ZNF831: variants seen among roughly 807,000 people sequenced by gnomAD.
ZNF831 encodes the protein zinc finger protein 831, also known as chromosome 20 open reading frame 174.
Under a neutral mutation model 95.8 loss-of-function variants are expected in ZNF831, and 59 were observed. The observed-to-expected ratio is 0.62, with a 90% confidence interval of 0.50 to 0.77. The LOEUF (loss-of-function observed/expected upper bound fraction) is 0.77. ZNF831 is among the 30% of genes least tolerant of loss of function. The probability of loss-of-function intolerance (pLI) is 0.00; values close to 1 mark genes in which losing one functional copy is unlikely to be tolerated. For missense variants in ZNF831, 2,205 were observed against 2,164.0 expected, an observed-to-expected ratio of 1.02 and a Z score of -0.38; for synonymous variants, 961 against 925.5, an observed-to-expected ratio of 1.04 and a Z score of -0.70.
In ZNF831 at chr20:59,177,666, T is replaced by G. The variant is rs141230198; in HGVS notation, c.-36-13318T>G. Among the ~76,000 whole-genome samples, 925 of 152,284 alleles carry G rather than the reference T, an allele frequency of 6.1e-3. 22 individuals carry two copies. Among genetic ancestry groups the G allele is most frequent in the Admixed American group, 0.044 (668 of 15,298 alleles). Reference sequence around the variant, plus strand: ...CCCATCTCATTTAAAATTGCACTCTTCCCTCACTGGCTGGACGAGGACGGT... The same window carrying G: ...CCCATCTCATTTAAAATTGCACTCTGCCCTCACTGGCTGGACGAGGACGGT... On this transcript the variant is annotated intron_variant, in intron 1 of 5. Coordinates refer to ENST00000371030, the MANE Select transcript of ZNF831 (RefSeq NM_178457.3).
chr20:59,128,186 G>A (rs953322898), intron 1 of ZNF831, among the ~76,000 whole-genome samples: 1 of 152,200 alleles, frequency 6.6e-6, no homozygotes, highest in Non-Finnish European at 1.5e-5. Flanking sequence ...AAAATAAATA[G>A]GGTAATGCAA....
chr20:59,246,626 A>T, intron 4 of ZNF831, among the ~76,000 whole-genome samples: 1 of 151,998 alleles, frequency 6.6e-6, no homozygotes, highest in East Asian at 1.9e-4. Flanking sequence ...TTAAAGCAAA[A>T]TTTTAAACAC....
At chr20:59,159,977 G>C (rs966606588), upstream of ZNF831, 1 of 152,394 alleles carries the variant, frequency 6.6e-6, no homozygotes, top group Non-Finnish European at 1.5e-5. Context: ...TGTGGACTGA[G>C]GGCTGGCTCT....
rs754300592 is a variant in ZNF831 at position 59,233,059 on chromosome 20, CAGACAG to C, written c.4028-19905_4028-19900del. On this transcript the variant is annotated intron_variant, in intron 4 of 5. Coordinates refer to ENST00000371030, the MANE Select transcript of ZNF831 (RefSeq NM_178457.3). The stretch of plus-strand genomic sequence containing the variant: ...ACACACACACATAGAGAGAGAGAGA[CAGACAG>C]AGACAGAGACAGACAGACAGACTTG... 3.6e-3 allele frequency among the ~76,000 whole-genome samples: 477 copies of C among 133,132 alleles called. 1 individual carries two copies. Among genetic ancestry groups the C allele is most frequent in the Non-Finnish European group, 5.4e-3 (344 of 63,168 alleles). The allele number at this position is 133,132 out of a possible 152,430, so 87.3% of individuals were successfully genotyped here.
At chr20:59,145,757 C>T (rs1979825530) in intron 1 of ZNF831, among the ~76,000 whole-genome samples, 2 of 152,164 alleles carry the variant, frequency 1.3e-5, no homozygotes, top group African/African-American at 4.8e-5. Flanking sequence ...TGGACATTCC[C>T]AAAGCTGGGG....
rs780321920 is a variant in ZNF831 at position 59,194,332 on chromosome 20, G to C, written c.3313G>C (p.Glu1105Gln). Residue 1105 changes from glutamate (E) to glutamine (Q), a missense_variant, in exon 2 of 6, where the codon GAG becomes CAG. Physicochemically the swap from Glu to Gln is conservative, Grantham distance 29. Coordinates refer to ENST00000371030, the MANE Select transcript of ZNF831 (RefSeq NM_178457.3). Reference protein sequence around the residue: ...NPWVPNWELGEPPGNAPEDPS... With the variant: ...NPWVPNWELGQPPGNAPEDPS... ...CTGGGTACCCAACTGGGAGCTGGGG[G>C]AGCCTCCTGGGAATGCCCCAGAAGA... 6.2e-7 allele frequency: 1 copy of C among 1,613,546 alleles called. No homozygotes were observed. Among genetic ancestry groups the C allele is most frequent in the East Asian group, 2.2e-5 (1 of 44,870 alleles).
At chr20:59,125,841 C>G (rs1333194425) in intron 1 of ZNF831, among the ~76,000 whole-genome samples, 1 of 152,110 alleles carries the variant, frequency 6.6e-6, no homozygotes, top group East Asian at 1.9e-4. Flanking sequence ...TAATTCAGGC[C>G]TCACCAATTT....
intron 4 of ZNF831, among the ~76,000 whole-genome samples, chr20:59,236,784 A>G (rs1046242388): frequency 6.6e-6 from 1 of 152,016 alleles, no homozygotes; most frequent in African/African-American, 2.4e-5. Flanking sequence ...TCTGAAGTCC[A>G]TGCTATTGAC....
chr20:59,166,234 G>C (rs867112400), intron 1 of ZNF831, among the ~76,000 whole-genome samples: 2 of 152,136 alleles, frequency 1.3e-5, no homozygotes, highest in South Asian at 4.2e-4. Context: ...CCAAGGGTAG[G>C]CTGTGGTACT....
chr20:59,208,993 G>A lies in ZNF831; in HGVS notation c.4027+1937G>A, dbSNP rs537786856. On this transcript the variant is annotated intron_variant, in intron 4 of 5. Transcript: ENST00000371030. The surrounding 1 kb of genome is among the most constrained non-coding windows in gnomAD (Gnocchi z 4.2). ...CTTAGCTCCCCAGGCACTGGACTCG[G>A]CACTGTGACAGGGAGGGGAACTAAG... Among the ~76,000 whole-genome samples the A allele has an allele frequency of 6.4e-4, 98 of 152,286 alleles. No individual in the cohort carries two copies. Among genetic ancestry groups the A allele is most frequent in the African/African-American group, 2.3e-3 (97 of 41,570 alleles).
At chr20:59,124,164 C>T (rs1044064244) in intron 1 of ZNF831, among the ~76,000 whole-genome samples, 6 of 152,138 alleles carry the variant, frequency 3.9e-5, no homozygotes, top group Non-Finnish European at 7.4e-5. Flanking sequence ...TTCCTATGGC[C>T]GTTTCTTTTC....
At chr20:59,142,319 T>C (rs1979708880) in intron 1 of ZNF831, among the ~76,000 whole-genome samples, 2 of 152,172 alleles carry the variant, frequency 1.3e-5, no homozygotes, top group Non-Finnish European at 2.9e-5. Context: ...CTGGGAGCCG[T>C]ACTTCCTTTG....
At chr20:59,248,949 ACTT>A (rs1321137756) in intron 4 of ZNF831, among the ~76,000 whole-genome samples, 1 of 152,056 alleles carries the variant, frequency 6.6e-6, no homozygotes, top group Non-Finnish European at 1.5e-5. Context: ...CAAAATTTAA[ACTT>A]CTTACCACAG....
At chr20:59,195,558 G>A (rs971483790) in intron 2 of ZNF831, among the ~76,000 whole-genome samples, 1 of 152,158 alleles carries the variant, frequency 6.6e-6, no homozygotes, top group Admixed American at 6.5e-5. Context: ...GGGGTGTGGG[G>A]GCTCCCGGGG....
At chr20:59,186,732 T>G (rs1188864825) in intron 1 of ZNF831, among the ~76,000 whole-genome samples, 1 of 152,234 alleles carries the variant, frequency 6.6e-6, no homozygotes, top group Non-Finnish European at 1.5e-5. Context: ...TGTTAATCTC[T>G]AAAGATTCCT....
At chr20:59,205,035 C>G (rs1984789790) in intron 3 of ZNF831, among the ~76,000 whole-genome samples, 1 of 152,160 alleles carries the variant, frequency 6.6e-6, no homozygotes, top group Non-Finnish European at 1.5e-5. Context: ...GAGGCGGGGC[C>G]TTTCCTAGCT....
chr20:59,231,360 A>C (rs1310378765), intron 4 of ZNF831, among the ~76,000 whole-genome samples: 1 of 152,238 alleles, frequency 6.6e-6, no homozygotes, highest in Non-Finnish European at 1.5e-5. Flanking sequence ...TTTTCCTTAG[A>C]AAGACTAATT....
At chr20:59,196,145 T>G in intron 3 of ZNF831, 140 bp downstream of exon 3, 1 of 1,217,238 alleles carries the variant, frequency 8.2e-7, no homozygotes, top group Non-Finnish European at 1.1e-6. Context: ...GGACTGAATT[T>G]GTTTCCCACC....
intron 1 of ZNF831, among the ~76,000 whole-genome samples, chr20:59,171,184 C>G (rs1026044639): frequency 2.6e-5 from 4 of 152,186 alleles, no homozygotes; most frequent in Non-Finnish European, 5.9e-5. Context: ...GTCCTCATAC[C>G]CACACCACTG....
Sources: gnomAD v4.1 joint callset for allele counts (sites outside exome capture counted in the v4.1 genomes callset) on GRCh38, gnomAD v4.1.1 for gene constraint, Gnocchi (gnomAD v3.1) non-coding constraint, MANE v1.5 for transcripts, NCBI Gene and HGNC (gene_info 2026-07-23, HGNC 2026-07-21) for gene names.